MDFIC: variants seen among roughly 807,000 people sequenced by gnomAD.
MDFIC encodes myoD family inhibitor domain-containing protein.
MDFIC carries 17 observed loss-of-function variants against 23.2 expected under a neutral mutation model. That is an observed-to-expected ratio of 0.73 (90% CI 0.50 to 1.10). The LOEUF is 1.10. Among genes scored for constraint, MDFIC ranks in the 50% least tolerant of loss-of-function variants. MDFIC has a pLI of 0.00. For synonymous variants in MDFIC, 120 were observed against 115.2 expected (o/e 1.04, Z -0.27); for missense variants, 356 against 316.6 (o/e 1.12, Z -0.95).
In MDFIC at chr7:114,922,433, C is replaced by A; in HGVS notation, c.-311C>A. ...GGGGGCGGAGTGCGCGGAGTCAGAGCCGCCACCGCTGCCGCAGTTGCCGCC... is the reference window on the plus strand; with the variant it reads ...GGGGGCGGAGTGCGCGGAGTCAGAGACGCCACCGCTGCCGCAGTTGCCGCC... On this transcript the variant is annotated 5_prime_UTR_variant, in exon 1 of 5. Coordinates refer to ENST00000393486, the MANE Select transcript of MDFIC (RefSeq NM_001166345.3). 1.6e-6 allele frequency: 2 copies of A among 1,241,720 alleles called. No homozygotes were observed. The highest frequency in any genetic ancestry group is 4.0e-5 in the South Asian group (1 of 24,784). The allele number at this position is 1,241,720 out of a possible 1,614,324, so 76.9% of individuals were successfully genotyped here. A position where few individuals can be genotyped will look rare whatever the true frequency, so the allele number is the denominator to read the frequency against.
chr7:114,922,759 G>A (rs1194899091), intron 1 of MDFIC, 123 bp downstream of exon 1: 1 of 1,274,874 alleles, frequency 7.8e-7, no homozygotes, highest in Non-Finnish European at 1.0e-6. Context: ...CTGGGACCCC[G>A]CCGCTGTCAA....
intron 4 of MDFIC, among the ~76,000 whole-genome samples, chr7:115,008,628 T>G (rs1222180699): frequency 6.6e-6 from 1 of 152,124 alleles, no homozygotes; most frequent in Non-Finnish European, 1.5e-5. Flanking sequence ...CTTGGAGACA[T>G]GGAGCTACTT....
chr7:114,942,411 GA>G lies in MDFIC; in HGVS notation c.217+20del. On this transcript the variant is annotated intron_variant, in intron 3 of 4. Coordinates refer to ENST00000393486, the MANE Select transcript of MDFIC (RefSeq NM_001166345.3). ...AACTCATTAGAAGTAAGTATTTTTAGAAAAAACTTTGAGTGATTTTGGGATA... is the reference window on the plus strand; with the variant it reads ...AACTCATTAGAAGTAAGTATTTTTAGAAAAACTTTGAGTGATTTTGGGATA... The G allele has an allele frequency of 6.4e-7, 1 of 1,556,186 alleles. No individual in the cohort carries two copies. The highest frequency in any genetic ancestry group is 8.7e-7 in the Non-Finnish European group (1 of 1,155,400).
In MDFIC at chr7:114,951,970, C is replaced by G. The variant is rs73719542; in HGVS notation, c.217+9573C>G. Among the ~76,000 whole-genome samples, 1,410 of 152,280 alleles carry G rather than the reference C, an allele frequency of 9.3e-3. 21 individuals carry two copies. The highest frequency in any genetic ancestry group is 0.054 in the Middle Eastern group (16 of 294). On this transcript the variant is annotated intron_variant, in intron 3 of 4. Transcript: ENST00000393486. ...AAGAGAACAACAGCAAAGCATTAAG[C>G]CAGGCACGGGGGTCCTTCTAAGTGC...
At chr7:114,957,959 T>C (rs1792914231) in intron 3 of MDFIC, among the ~76,000 whole-genome samples, 1 of 152,154 alleles carries the variant, frequency 6.6e-6, no homozygotes. Flanking sequence ...TTTAATAGGG[T>C]TTGGTCATTT....
chr7:114,983,523 TGAA>T (rs759716948), intron 4 of MDFIC, among the ~76,000 whole-genome samples: 3 of 150,010 alleles, frequency 2.0e-5, no homozygotes, highest in East Asian at 3.9e-4. Flanking sequence ...TGTGAGTGTC[TGAA>T]GAACTGAGAA....
chr7:114,975,911 A>G (rs1287763065), intron 3 of MDFIC, among the ~76,000 whole-genome samples: 2 of 152,166 alleles, frequency 1.3e-5, no homozygotes, highest in African/African-American at 2.4e-5. Context: ...TTATCTGATC[A>G]TAATCCAAAC....
In MDFIC at chr7:114,941,453, C is replaced by T. The variant is rs112574208; in HGVS notation, c.95-822C>T. The stretch of plus-strand genomic sequence containing the variant: ...CAAACGTCTGCTTTTGGAGTTTGCC[C>T]GTGCTGTTCTTCCACCTTTCTCCCA... On this transcript the variant is annotated intron_variant, in intron 2 of 4. Transcript: ENST00000393486. Among the ~76,000 whole-genome samples, 290 of 152,298 alleles carry T rather than the reference C, an allele frequency of 1.9e-3. 1 individual carries two copies. Among genetic ancestry groups the T allele is most frequent in the African/African-American group, 6.5e-3 (271 of 41,562 alleles).
intron 2 of MDFIC, among the ~76,000 whole-genome samples, chr7:114,937,280 G>A (rs764321330): frequency 1.3e-5 from 2 of 152,306 alleles, no homozygotes; most frequent in Non-Finnish European, 2.9e-5. Flanking sequence ...AAGATGGATA[G>A]TCATTTCTGA....
At chr7:114,985,833 T>A (rs1018007493) in intron 4 of MDFIC, among the ~76,000 whole-genome samples, 2 of 151,924 alleles carry the variant, frequency 1.3e-5, no homozygotes, top group Admixed American at 1.3e-4. Flanking sequence ...AAGCTATTAA[T>A]ATCACACAGG....
chr7:115,012,187 C>G (rs1294693477), intron 4 of MDFIC, among the ~76,000 whole-genome samples: 1 of 152,044 alleles, frequency 6.6e-6, no homozygotes, highest in Non-Finnish European at 1.5e-5. Flanking sequence ...AACAAAGGAC[C>G]AGTATCTCGA....
chr7:114,969,554 T>C (rs1421038973), intron 3 of MDFIC, among the ~76,000 whole-genome samples: 1 of 152,222 alleles, frequency 6.6e-6, no homozygotes, highest in East Asian at 1.9e-4. Context: ...ATGTATTCTA[T>C]TAAAAATACT....
At chr7:114,951,578 C>T (rs1305845856) in intron 3 of MDFIC, among the ~76,000 whole-genome samples, 1 of 151,820 alleles carries the variant, frequency 6.6e-6, no homozygotes, top group Non-Finnish European at 1.5e-5. Context: ...TCAATAGTTA[C>T]CTTTAGGGAG....
At chr7:114,978,465 A>AT (rs1281229489) in intron 3 of MDFIC, among the ~76,000 whole-genome samples, 10 of 151,562 alleles carry the variant, frequency 6.6e-5, no homozygotes, top group Non-Finnish European at 1.2e-4. Flanking sequence ...ACCTCTGCCC[A>AT]TTTTTTTCTA....
At chr7:114,984,480 T>A (rs1793476184) in intron 4 of MDFIC, among the ~76,000 whole-genome samples, 1 of 152,120 alleles carries the variant, frequency 6.6e-6, no homozygotes, top group African/African-American at 2.4e-5. Flanking sequence ...CCAAAAAAAA[T>A]GTTCTTTTAA....
chr7:115,018,095 A>G lies in MDFIC; in HGVS notation c.*2160A>G, dbSNP rs1296165798. The G allele has an allele frequency of 6.6e-6, 1 of 152,010 alleles. No individual in the cohort carries two copies. The highest frequency in any genetic ancestry group is 2.4e-5 in the African/African-American group (1 of 41,462). The allele number at this position is 152,010 out of a possible 1,614,324, so 9.4% of individuals were successfully genotyped here. A position where few individuals can be genotyped will look rare whatever the true frequency, so the allele number is the denominator to read the frequency against. On this transcript the variant is annotated 3_prime_UTR_variant, in exon 5 of 5. Coordinates refer to ENST00000393486, the MANE Select transcript of MDFIC (RefSeq NM_001166345.3). ...TTTGGGATCTGAATATAATTCTGGT[A>G]AACAGCTGTCTTCATTTTTCTCCTC...
intron 2 of MDFIC, among the ~76,000 whole-genome samples, chr7:114,925,142 A>G (rs748947961): frequency 7.9e-5 from 12 of 152,162 alleles, no homozygotes; most frequent in Non-Finnish European, 1.3e-4. Context: ...AGAAAAAAAT[A>G]TTATTTCAGG....
At chr7:115,005,017 A>G (rs1204996083) in intron 4 of MDFIC, among the ~76,000 whole-genome samples, 3 of 152,254 alleles carry the variant, frequency 2.0e-5, no homozygotes, top group Non-Finnish European at 4.4e-5. Context: ...TCTGTTTTGA[A>G]TATTGCATTA....
intron 3 of MDFIC, among the ~76,000 whole-genome samples, chr7:114,966,524 C>T (rs10273599): frequency 0.4 from 60,041 of 151,844 alleles, 12,103 homozygotes; most frequent in East Asian, 0.45. Flanking sequence ...CCAACCTGCA[C>T]TTCGGGCTGA....
Sources: allele counts gnomAD v4.1 joint callset (sites outside exome capture counted in the v4.1 genomes callset), GRCh38; gene constraint gnomAD v4.1.1; transcripts MANE v1.5; gene names NCBI Gene and HGNC (gene_info 2026-07-23, HGNC 2026-07-21).